Variants in HELZ observed in about 807,000 individuals in gnomAD.
HELZ encodes helicase with zinc finger, also known as ATP-dependent RNA helicase with zinc finger domain.
Under a neutral mutation model 218.2 loss-of-function variants are expected in HELZ, and 23 were observed. The ratio of observed to expected loss-of-function variants is 0.11; its 90% CI spans 0.08 to 0.15. The LOEUF (loss-of-function observed/expected upper bound fraction) is 0.15, where lower values mean the gene tolerates loss of function less well. Ranked by LOEUF, HELZ falls within the 10% of genes least tolerant of loss-of-function variation. The pLI is 1.00. For synonymous variants in HELZ, 814 were observed against 829.4 expected (o/e 0.98, Z 0.32); for missense variants, 1,813 against 2,353.7 (o/e 0.77, Z 4.75).
At chr17:67,222,408 G>T (rs2040770882) in intron 3 of HELZ, among the ~76,000 whole-genome samples, 1 of 152,164 alleles carries the variant, frequency 6.6e-6, no homozygotes. Flanking sequence ...AAACATATTA[G>T]CCAGGGAGAG....
chr17:67,234,651 T>C (rs1037315202), intron 3 of HELZ, among the ~76,000 whole-genome samples: 3 of 151,692 alleles, frequency 2.0e-5, no homozygotes, highest in Admixed American at 6.6e-5. Flanking sequence ...CTGGGGAACA[T>C]AGCAAGACCC....
At position 67,195,425 on chromosome 17, in the gene HELZ, C is replaced by T. The variant is rs2039997623; in HGVS notation, c.475G>A (p.Asp159Asn). 1 of 1,598,514 alleles carries T rather than the reference C, an allele frequency of 6.3e-7. No homozygotes were observed. Among genetic ancestry groups the T allele is most frequent in the South Asian group, 1.1e-5 (1 of 90,596 alleles). ...CACAGCATTTGGCACTTACCCTCAT[C>T]TAAGTCTTCCACGTGATATCCAGAG... ...ALSGYHVEDL[D>N]EGSCNGWHFR... Residue 159 changes from aspartate (D) to asparagine (N), a missense_variant, in exon 8 of 33, where the codon GAT (aspartate) becomes AAT (asparagine). Coordinates refer to ENST00000358691, the MANE Select transcript of HELZ (RefSeq NM_014877.4).
At chr17:67,183,640 C>G (rs927736442) in intron 12 of HELZ, among the ~76,000 whole-genome samples, 1 of 152,126 alleles carries the variant, frequency 6.6e-6, no homozygotes, top group Non-Finnish European at 1.5e-5. Context: ...ATATTCAAAA[C>G]AGAATTCCAA....
chr17:67,089,668 T>TATATATATATATAG (rs71293575), intron 31 of HELZ, among the ~76,000 whole-genome samples: 6 of 70,636 alleles, frequency 8.5e-5, no homozygotes, highest in African/African-American at 3.0e-4. Context: ...TATATATATA[T>TATATATATATATAG]AGAGAGAGAG....
intron 3 of HELZ, among the ~76,000 whole-genome samples, chr17:67,236,921 C>A (rs1162918717): frequency 6.6e-6 from 1 of 152,198 alleles, no homozygotes; most frequent in East Asian, 1.9e-4. Flanking sequence ...TCTCCTTGGT[C>A]ATGATGACCT....
rs1481775582 is a variant in HELZ, at chr17:67,123,969, C to T, written c.3433G>A (p.Gly1145Arg). ...HTQNDHFQND[G>R]IVQPNPSVLI... ...GGGTAATTTTTCCACTTACCAATTC[C>T]ATCATTCTGGAAGTGATCATTCTGG... The change falls in exon 25 of 33, where the codon GGA (glycine) becomes AGA (arginine). Residue 1145 changes from glycine (G) to arginine (R), a missense_variant. Gly to Arg is a moderately radical substitution (Grantham distance 125, BLOSUM62 -2). Around this residue, in one of 4 missense-constraint regions of HELZ, gnomAD observed 938 missense variants for 1,027.5 expected, o/e 0.91. Transcript: ENST00000358691. 6.2e-7 allele frequency: 1 copy of T among 1,608,038 alleles called. No homozygotes were observed. Among genetic ancestry groups the T allele is most frequent in the Admixed American group, 1.7e-5 (1 of 59,806 alleles).
intron 18 of HELZ, among the ~76,000 whole-genome samples, 156 bp downstream of exon 18, chr17:67,150,890 T>C (rs2038661831): frequency 6.6e-6 from 1 of 152,200 alleles, no homozygotes; most frequent in Admixed American, 6.5e-5. Context: ...AAAGCATCTA[T>C]AGACAATAAA....
chr17:67,127,531 T>TA (rs1165495444), intron 24 of HELZ, among the ~76,000 whole-genome samples: 8 of 152,324 alleles, frequency 5.3e-5, no homozygotes, highest in Admixed American at 2.0e-4. Context: ...ATTAAACTCT[T>TA]AATTACTGCT....
intron 4 of HELZ, among the ~76,000 whole-genome samples, chr17:67,217,924 TTTG>T (rs1185617533): frequency 2.7e-5 from 4 of 149,332 alleles, no homozygotes; most frequent in Non-Finnish European, 2.9e-5. Flanking sequence ...GTTTTTGTTT[TTTG>T]TTGTTTTTTT....
At chr17:67,200,983 G>A (rs943620003) in intron 7 of HELZ, 146 bp downstream of exon 7, 44 of 703,830 alleles carry the variant, frequency 6.3e-5, no homozygotes, top group South Asian at 2.0e-4. Context: ...TGGGGGTTAC[G>A]AGGGAAGGCT....
rs186527311 is a variant in HELZ, at chr17:67,074,557, G to A, written c.*3695C>T. On this transcript the variant is annotated 3_prime_UTR_variant, in exon 33 of 33. Coordinates refer to ENST00000358691, the MANE Select transcript of HELZ (RefSeq NM_014877.4). ...AGGGGGCTAGAGAAACATCTTTTAC[G>A]TCTGCAGCTTTGCTCTTGACATGAA... The A allele has an allele frequency of 1.3e-5, 2 of 152,144 alleles. No individual in the cohort carries two copies. Among genetic ancestry groups the A allele is most frequent in the South Asian group, 2.1e-4 (1 of 4,822 alleles). The allele number at this position is 152,144 out of a possible 1,614,324, so 9.4% of individuals were successfully genotyped here. A position where few individuals can be genotyped will look rare whatever the true frequency, so the allele number is the denominator to read the frequency against.
chr17:67,166,736 T>C (rs1042762292), intron 14 of HELZ, 128 bp from the exon 15 acceptor site: 4 of 697,212 alleles, frequency 5.7e-6, no homozygotes, highest in Admixed American at 2.7e-5. Flanking sequence ...AGTATAATCA[T>C]AGTCTAATCA....
intron 7 of HELZ, among the ~76,000 whole-genome samples, chr17:67,199,506 C>G (rs1018354640): frequency 1.3e-5 from 2 of 152,114 alleles, no homozygotes; most frequent in African/African-American, 2.4e-5. Flanking sequence ...AAGCACCGCA[C>G]CGGGACTGTT....
rs1374048421 is a variant in HELZ, at chr17:67,077,812, C to T, written c.*440G>A. On this transcript the variant is annotated 3_prime_UTR_variant, in exon 33 of 33. Transcript: ENST00000358691. ...AATGAATTTAAGCAAAAATAACATA[C>T]ATTTGTACATCAACTGGCCATTTCT... The T allele has an allele frequency of 1.3e-5, 2 of 150,624 alleles. No individual in the cohort carries two copies. Among genetic ancestry groups the T allele is most frequent in the Non-Finnish European group, 3.0e-5 (2 of 67,766 alleles). 9.3% of individuals were successfully genotyped at this position (150,624 alleles called of 1,614,324 possible).
rs2035941972 is a variant in HELZ, at chr17:67,073,362, G to C, written c.*4890C>G. 1 of 152,546 alleles carries C rather than the reference G, an allele frequency of 6.6e-6. No individual in the cohort carries two copies. The highest frequency in any genetic ancestry group is 2.4e-5 in the African/African-American group (1 of 41,410). The allele number at this position is 152,546 out of a possible 1,614,324, so 9.4% of individuals were successfully genotyped here. ...AACATAATGAAAATTTCATAATATT[G>C]TTTAATGAACTCATAGAATTATATA... On this transcript the variant is annotated 3_prime_UTR_variant, in exon 33 of 33. Transcript: ENST00000358691.
chr17:67,109,707 T>G, intron 28 of HELZ, 21 bp from the exon 29 acceptor site: 1 of 1,557,282 alleles, frequency 6.4e-7, no homozygotes, highest in South Asian at 1.2e-5. Flanking sequence ...AGAAGAAGCC[T>G]TTTTTAACTG....
At chr17:67,227,478 C>T (rs1241607477) in intron 3 of HELZ, among the ~76,000 whole-genome samples, 1 of 152,166 alleles carries the variant, frequency 6.6e-6, no homozygotes, top group African/African-American at 2.4e-5. Context: ...TGAGCCACCA[C>T]ACCCAACCGA....
intron 22 of HELZ, among the ~76,000 whole-genome samples, chr17:67,137,042 G>C (rs1366231170): frequency 6.6e-6 from 1 of 151,982 alleles, no homozygotes; most frequent in Non-Finnish European, 1.5e-5. Context: ...CCAATACAAG[G>C]ACCCTTTGTT....
chr17:67,167,506 T>C lies in HELZ; in HGVS notation c.1721A>G (p.Glu574Gly). 2 of 1,613,900 alleles carry C rather than the reference T, an allele frequency of 1.2e-6. No individual in the cohort carries two copies. The highest frequency in any genetic ancestry group is 1.1e-5 in the South Asian group (1 of 91,070). The change falls in exon 14 of 33, where the codon GAA becomes GGA. Residue 574 changes from glutamate to glycine, a missense_variant. Transcript: ENST00000358691. ...KEYIFLRLSR[E>G]CCEELNLRPD... ...CCGAAGATTAAGTTCTTCACAGCAT[T>C]CCCTAGATAGCCTTAAAAATATATA...
Sources: allele counts gnomAD v4.1 joint callset (sites outside exome capture counted in the v4.1 genomes callset), GRCh38; gene constraint gnomAD v4.1.1; regional missense constraint gnomAD v4.1.1; transcripts MANE v1.5; gene names NCBI Gene and HGNC (gene_info 2026-07-23, HGNC 2026-07-21).